Variants in FBXO34 observed in about 807,000 individuals in gnomAD.
The protein encoded by FBXO34 is F-box protein 34.
Under a neutral mutation model 24.5 loss-of-function variants are expected in FBXO34, and 12 were observed. The ratio of observed to expected loss-of-function variants is 0.49; its 90% CI spans 0.31 to 0.79. The LOEUF is 0.79. Ranked by LOEUF, FBXO34 falls within the 30% of genes least tolerant of loss-of-function variation. FBXO34 has a pLI of 0.04. For missense variants in FBXO34, 823 were observed against 857.7 expected, an observed-to-expected ratio of 0.96 and a Z score of 0.51; for synonymous variants, 320 against 311.9, an observed-to-expected ratio of 1.03 and a Z score of -0.27.
chr14:55,412,292 G>A, the FBXO34 span, among the ~76,000 whole-genome samples: 3 of 152,264 alleles, frequency 2.0e-5, no homozygotes, highest in South Asian at 6.2e-4. Context: ...TGTGTGACTT[G>A]GGGCAAGTTC....
At chr14:55,309,045 T>C (rs1238807924) in intron 1 of FBXO34, among the ~76,000 whole-genome samples, 1 of 152,172 alleles carries the variant, frequency 6.6e-6, no homozygotes, top group Non-Finnish European at 1.5e-5. Flanking sequence ...TTATTAGAGC[T>C]TATTTAATAT....
chr14:55,436,940 G>T, the FBXO34 span: 5 of 1,614,204 alleles, frequency 3.1e-6, no homozygotes, highest in Non-Finnish European at 4.2e-6. Flanking sequence ...GCAGTATCCG[G>T]ATTGGATGCA....
intron 1 of FBXO34, among the ~76,000 whole-genome samples, chr14:55,274,577 A>G (rs962943900): frequency 6.6e-6 from 1 of 152,222 alleles, no homozygotes; most frequent in Admixed American, 6.5e-5. Flanking sequence ...TTCGTTATCC[A>G]TCTTTCTGAT....
chr14:55,383,570 AAAC>A, the FBXO34 span, among the ~76,000 whole-genome samples: 1,058 of 151,726 alleles, frequency 7.0e-3, 14 homozygotes, highest in African/African-American at 0.023. Context: ...CAAAAAAACA[AAAC>A]AACAACAACA....
At chr14:55,334,167 T>C (rs1883692377) in intron 1 of FBXO34, among the ~76,000 whole-genome samples, 1 of 152,120 alleles carries the variant, frequency 6.6e-6, no homozygotes, top group Non-Finnish European at 1.5e-5. Context: ...GGCCTCTTTT[T>C]CTCCACCTTT....
chr14:55,353,546 CTACTT>C lies in FBXO34; in HGVS notation c.*1023_*1027del, dbSNP rs1387359353. The C allele has an allele frequency of 2.4e-5, 4 of 167,068 alleles. No individual in the cohort carries two copies. The highest frequency in any genetic ancestry group is 4.4e-5 in the Non-Finnish European group (3 of 68,122). 10.3% of individuals were successfully genotyped at this position (167,068 alleles called of 1,614,324 possible). ...TATAGTTAGATAATAACATTCTTGT[CTACTT>C]TATCCTGTCTGGTTACAAAATTTTT... On this transcript the variant is annotated 3_prime_UTR_variant, in exon 2 of 2. Coordinates refer to ENST00000313833, the MANE Select transcript of FBXO34 (RefSeq NM_017943.4).
intron 1 of FBXO34, among the ~76,000 whole-genome samples, chr14:55,274,404 A>G (rs1032661962): frequency 6.6e-6 from 1 of 152,166 alleles, no homozygotes; most frequent in African/African-American, 2.4e-5. Context: ...GTCTGTTTCT[A>G]TTTTTGGCAG....
At chr14:55,288,161 G>A (rs1388736108) in intron 1 of FBXO34, among the ~76,000 whole-genome samples, 1 of 152,142 alleles carries the variant, frequency 6.6e-6, no homozygotes, top group Non-Finnish European at 1.5e-5. Context: ...AATTGGTATG[G>A]ATCAATAATT....
chr14:55,321,409 T>TC (rs1883130412), intron 1 of FBXO34, among the ~76,000 whole-genome samples: 1 of 151,840 alleles, frequency 6.6e-6, no homozygotes. Flanking sequence ...TTGCAATGTT[T>TC]CTTTTTTTTT....
At chr14:55,412,709 C>T in the FBXO34 span, among the ~76,000 whole-genome samples, 2 of 152,310 alleles carry the variant, frequency 1.3e-5, no homozygotes, top group African/African-American at 4.8e-5. Flanking sequence ...AGGCTATCTA[C>T]TGATAAACTG....
chr14:55,299,361 C>T (rs1566545710), intron 1 of FBXO34: 1 of 322,472 alleles, frequency 3.1e-6, no homozygotes, highest in Non-Finnish European at 5.7e-6. Flanking sequence ...TCGCTCTCTG[C>T]ATAGCATGGT....
At chr14:55,303,027 C>T (rs1036077830) in intron 1 of FBXO34, among the ~76,000 whole-genome samples, 2 of 152,076 alleles carry the variant, frequency 1.3e-5, no homozygotes, top group African/African-American at 4.8e-5. Context: ...TGTTTTGCCT[C>T]CTAAAGATCT....
intron 1 of FBXO34, chr14:55,298,790 C>T: frequency 6.2e-7 from 1 of 1,606,624 alleles, no homozygotes; most frequent in South Asian, 1.1e-5. Flanking sequence ...GCACCAAAAA[C>T]AAGCCCGCGG....
At chr14:55,308,040 T>A (rs1406214776) in intron 1 of FBXO34, among the ~76,000 whole-genome samples, 2 of 152,194 alleles carry the variant, frequency 1.3e-5, no homozygotes, top group Non-Finnish European at 1.5e-5. Context: ...CGAGATCCGA[T>A]GGTTTTATAA....
chr14:55,305,780 A>AT (rs1383938796), intron 1 of FBXO34, among the ~76,000 whole-genome samples: 1 of 152,080 alleles, frequency 6.6e-6, no homozygotes, highest in East Asian at 1.9e-4. Context: ...CAATAGCAGG[A>AT]TTTTTCCCGA....
At chr14:55,369,667 T>G, downstream of FBXO34, 1 of 1,574,066 alleles carries the variant, frequency 6.4e-7, no homozygotes. Flanking sequence ...CCGAGGCTGC[T>G]GCAGAGGAGA....
At chr14:55,413,766 G>A in the FBXO34 span, 1 of 323,312 alleles carries the variant, frequency 3.1e-6, no homozygotes, top group Non-Finnish European at 6.0e-6. Flanking sequence ...ATCAACTGAG[G>A]TCAGGAGTTC....
At chr14:55,435,222 A>G in the FBXO34 span, among the ~76,000 whole-genome samples, 1 of 152,038 alleles carries the variant, frequency 6.6e-6, no homozygotes, top group South Asian at 2.1e-4. Context: ...GGCAAAAATT[A>G]TTTCCAGAAA....
intron 1 of FBXO34, among the ~76,000 whole-genome samples, chr14:55,334,507 T>A (rs1883707368): frequency 6.8e-6 from 1 of 146,372 alleles, no homozygotes; most frequent in Non-Finnish European, 1.5e-5. Context: ...AGGCATGTAG[T>A]TAGTAGCCAT....
Sources: gnomAD v4.1 joint callset for allele counts (sites outside exome capture counted in the v4.1 genomes callset) on GRCh38, gnomAD v4.1.1 for gene constraint, MANE v1.5 for transcripts, NCBI Gene and HGNC (gene_info 2026-07-23, HGNC 2026-07-21) for gene names.